MAGI2: variants seen among roughly 807,000 people sequenced by gnomAD.
MAGI2 encodes membrane associated guanylate kinase, WW and PDZ domain containing 2.
Under a neutral mutation model 133.3 loss-of-function variants are expected in MAGI2, and 35 were observed. The ratio of observed to expected loss-of-function variants is 0.26; its 90% confidence interval spans 0.20 to 0.35. The LOEUF is 0.35. MAGI2 is among the 10% of genes least tolerant of loss of function. MAGI2 has a pLI of 1.00. For missense variants in MAGI2, 1,636 were observed against 1,863.4 expected, an observed-to-expected ratio of 0.88 and a Z score of 2.25; for synonymous variants, 729 against 710.6, an observed-to-expected ratio of 1.03 and a Z score of -0.41.
Position 78,288,375 on chromosome 7 carries a change from C to A in MAGI2, c.1409-31794G>T, listed in dbSNP as rs139119675. 3.3e-5 allele frequency among the ~76,000 whole-genome samples: 5 copies of A among 152,262 alleles called. No homozygotes were observed. The South Asian group carries it at 1.0e-3, about 32-fold the overall frequency. On this transcript the variant is annotated intron_variant, in intron 9 of 21. Transcript: ENST00000354212. ...AATGTAAACAATATTAACAGTAATT[C>A]AAAATTAAAGTAATCATGTACTGTT...
chr7:79,332,621 A>G (rs1330515072), intron 1 of MAGI2, among the ~76,000 whole-genome samples: 1 of 152,126 alleles, frequency 6.6e-6, no homozygotes, highest in Non-Finnish European at 1.5e-5. Context: ...TTTCTTTCAA[A>G]CAAGTCATAT....
intron 2 of MAGI2, among the ~76,000 whole-genome samples, chr7:78,890,283 C>T (rs1253973331): frequency 6.6e-6 from 1 of 151,860 alleles, no homozygotes; most frequent in Non-Finnish European, 1.5e-5. Context: ...TAATGGGGGA[C>T]TTTAACACCC....
chr7:78,160,684 T>TA (rs998384544), intron 15 of MAGI2, among the ~76,000 whole-genome samples: 68 of 152,118 alleles, frequency 4.5e-4, no homozygotes, highest in Non-Finnish European at 7.2e-4. Context: ...AAATAAATTG[T>TA]AAAAAAAAGT....
chr7:79,282,067 T>C (rs1835684698), intron 1 of MAGI2, among the ~76,000 whole-genome samples: 1 of 152,208 alleles, frequency 6.6e-6, no homozygotes, highest in Non-Finnish European at 1.5e-5. Flanking sequence ...TGAAAAGATC[T>C]CTTTCCAATA....
chr7:78,562,999 T>G (rs557228501), intron 3 of MAGI2, among the ~76,000 whole-genome samples: 28 of 148,928 alleles, frequency 1.9e-4, no homozygotes, highest in Non-Finnish European at 3.9e-4. Flanking sequence ...TTTTTGTTGT[T>G]TTTTTTTTTT....
chr7:78,507,241 A>G (rs1261913263), intron 4 of MAGI2, among the ~76,000 whole-genome samples: 4 of 152,166 alleles, frequency 2.6e-5, no homozygotes, highest in African/African-American at 7.2e-5. Flanking sequence ...GATCCATAAC[A>G]TTCCCATATT....
intron 2 of MAGI2, among the ~76,000 whole-genome samples, chr7:78,632,526 A>C (rs1427238888): frequency 6.6e-6 from 1 of 152,234 alleles, no homozygotes; most frequent in East Asian, 1.9e-4. Context: ...GTTATATTTT[A>C]GAAAGAATCA....
chr7:78,779,739 G>A (rs896127687), intron 2 of MAGI2, among the ~76,000 whole-genome samples: 2 of 152,168 alleles, frequency 1.3e-5, no homozygotes, highest in East Asian at 3.9e-4. Context: ...ACATCAAACC[G>A]TATTAGTCCA....
chr7:78,499,695 A>T (rs1794448512), intron 5 of MAGI2, among the ~76,000 whole-genome samples: 1 of 152,252 alleles, frequency 6.6e-6, no homozygotes, highest in Non-Finnish European at 1.5e-5. Flanking sequence ...GTAAGAAAAT[A>T]GTCTTTAATC....
intron 1 of MAGI2, among the ~76,000 whole-genome samples, chr7:79,235,337 C>A (rs374674156): frequency 3.3e-5 from 5 of 151,998 alleles, no homozygotes; most frequent in East Asian, 3.9e-4. Context: ...TCGAGCTTCC[C>A]GGCTGCTTTG....
In MAGI2 at chr7:78,019,177, C is replaced by T; in HGVS notation, c.*138G>A. The stretch of plus-strand genomic sequence containing the variant: ...GCCCAAGCACACCGGACACGTGGGA[C>T]TTCACGTCGATGCTCCCAGGCCTTG... On this transcript the variant is annotated 3_prime_UTR_variant, in exon 22 of 22. Transcript: ENST00000354212. 9.7e-7 allele frequency: 1 copy of T among 1,033,260 alleles called. No homozygotes were observed. The highest frequency in any genetic ancestry group is 1.7e-5 in the African/African-American group (1 of 60,542). 64.0% of individuals were successfully genotyped at this position (1,033,260 alleles called of 1,614,324 possible).
At chr7:78,342,455 C>CTA (rs1461452385) in intron 9 of MAGI2, among the ~76,000 whole-genome samples, 1 of 152,142 alleles carries the variant, frequency 6.6e-6, no homozygotes, top group Non-Finnish European at 1.5e-5. Flanking sequence ...AATCCCATTA[C>CTA]TATATATATA....
chr7:78,932,342 C>G (rs2151660057), intron 2 of MAGI2, among the ~76,000 whole-genome samples: 1 of 152,124 alleles, frequency 6.6e-6, no homozygotes, highest in East Asian at 1.9e-4. Flanking sequence ...TTATATTTTT[C>G]TATAGCACAG....
intron 1 of MAGI2, among the ~76,000 whole-genome samples, chr7:79,324,346 T>C (rs1448699311): frequency 6.7e-6 from 1 of 149,640 alleles, no homozygotes; most frequent in Non-Finnish European, 1.5e-5. Context: ...TTTCAATTTA[T>C]GTATGTATGT....
chr7:78,350,892 G>T (rs893622714), intron 7 of MAGI2, among the ~76,000 whole-genome samples: 21 of 152,168 alleles, frequency 1.4e-4, no homozygotes, highest in African/African-American at 5.1e-4. Context: ...AACCCACCTT[G>T]CTTCTCCTGG....
At chr7:78,142,769 A>G (rs1357839108) in intron 16 of MAGI2, among the ~76,000 whole-genome samples, 2 of 152,190 alleles carry the variant, frequency 1.3e-5, no homozygotes, top group Admixed American at 1.3e-4. Context: ...AAACTTCAGA[A>G]TAGTCATGAT....
At chr7:78,323,085 C>CAAA (rs3086514) in intron 9 of MAGI2, among the ~76,000 whole-genome samples, 6 of 147,914 alleles carry the variant, frequency 4.1e-5, no homozygotes, top group Middle Eastern at 3.5e-3. Context: ...GTAAAATTAC[C>CAAA]AAAAAAAAAT....
intron 1 of MAGI2, among the ~76,000 whole-genome samples, chr7:79,401,872 A>C (rs912798844): frequency 6.6e-6 from 1 of 152,174 alleles, no homozygotes; most frequent in Admixed American, 6.6e-5. Flanking sequence ...GGCTTTTCTA[A>C]ATACAAACAT....
At chr7:78,193,495 T>A (rs1444865901) in intron 12 of MAGI2, among the ~76,000 whole-genome samples, 2 of 152,216 alleles carry the variant, frequency 1.3e-5, no homozygotes, top group Non-Finnish European at 2.9e-5. Flanking sequence ...GACAGCAAAA[T>A]GGGCATTCCA....
Sources: allele counts gnomAD v4.1 joint callset (sites outside exome capture counted in the v4.1 genomes callset), GRCh38; gene constraint gnomAD v4.1.1; transcripts MANE v1.5; gene names NCBI Gene and HGNC (gene_info 2026-07-23, HGNC 2026-07-21).